The following HDGFL3 variants were observed in gnomAD, a reference collection of about 807,000 sequenced individuals.
HDGFL3 encodes HDGF like 3.
Under a neutral mutation model 27.6 loss-of-function variants are expected in HDGFL3, and 6 were observed. The ratio of observed to expected loss-of-function variants is 0.22; its 90% confidence interval spans 0.12 to 0.43. The LOEUF is 0.43. HDGFL3 is among the 20% of genes least tolerant of loss of function. HDGFL3 has a pLI of 1.00. For missense variants in HDGFL3, 207 were observed against 250.1 expected, an observed-to-expected ratio of 0.83 and a Z score of 1.16; for synonymous variants, 88 against 88.9, an observed-to-expected ratio of 0.99 and a Z score of 0.05.
chr15:83,165,794 C>CAAAAAAAAAAAA (rs57873221), intron 1 of HDGFL3, among the ~76,000 whole-genome samples: 1 of 13,848 alleles, frequency 7.2e-5, no homozygotes, highest in African/African-American at 1.8e-4. Context: ...GAATCCATCT[C>CAAAAAAAAAAAA]AAAAAAAAAA....
intron 1 of HDGFL3, among the ~76,000 whole-genome samples, chr15:83,200,500 C>T (rs1446652563): frequency 1.3e-5 from 2 of 152,218 alleles, no homozygotes; most frequent in African/African-American, 4.8e-5. Context: ...GAAGCATTTA[C>T]TGAGACTTTA....
At chr15:83,185,046 C>T (rs1263577482) in intron 1 of HDGFL3, 7 of 152,090 alleles carry the variant, frequency 4.6e-5, no homozygotes, top group South Asian at 2.1e-4. Context: ...TTTTTTGAGA[C>T]GGAGTCTCAC....
In HDGFL3 at chr15:83,130,377, G is replaced by A. The variant is rs1437381326; in HGVS notation, c.*8893C>T. On this transcript the variant is annotated 3_prime_UTR_variant, in exon 6 of 6. Coordinates refer to ENST00000299633, the MANE Select transcript of HDGFL3 (RefSeq NM_016073.4). ...TGAGAAGGGCAGTGTGGACTACAGA[G>A]CAGCTGGCAGCCGCAGGGGCATTAC... 6.6e-6 allele frequency: 1 copy of A among 152,378 alleles called. No individual in the cohort carries two copies. The highest frequency in any genetic ancestry group is 1.5e-5 in the Non-Finnish European group (1 of 68,164). The allele number at this position is 152,378 out of a possible 1,614,324, so 9.4% of individuals were successfully genotyped here.
rs540630900 is a variant in HDGFL3 at position 83,194,775 on chromosome 15, CACTT to C, written c.84+12552_84+12555del. ...AATGAATTTTAGTGCAGCTCCCTTC[CACTT>C]ACTTGCTCTGTAACTGAGCAAGTCA... On this transcript the variant is annotated intron_variant, in intron 1 of 5. Transcript: ENST00000299633. Among the ~76,000 whole-genome samples, 37 of 152,222 alleles carry C rather than the reference CACTT, an allele frequency of 2.4e-4. No individual in the cohort carries two copies. In the East Asian group the frequency reaches 6.4e-3, roughly 26 times the overall value.
In HDGFL3 at chr15:83,128,236, T is replaced by A. The variant is rs575771067; in HGVS notation, c.*11034A>T. 1.1e-4 allele frequency: 16 copies of A among 152,362 alleles called. No individual in the cohort carries two copies. The highest frequency in any genetic ancestry group is 3.8e-4 in the African/African-American group (16 of 41,586). 9.4% of individuals were successfully genotyped at this position (152,362 alleles called of 1,614,324 possible). On this transcript the variant is annotated 3_prime_UTR_variant, in exon 6 of 6. Transcript: ENST00000299633. ...CTGTAGGCTTGTACAGTCAATTATA[T>A]GCATGGTATAATAATCATGATCGTA... is the stretch of plus-strand genomic sequence containing the variant.
rs371442568 is a variant in HDGFL3 at position 83,136,440 on chromosome 15, C to G, written c.*2830G>C. ...AACTCATCATGCATCCAACTGAACACGTTTCATGCTTACTCAATTTTTTTT... is the reference window on the plus strand; with the variant it reads ...AACTCATCATGCATCCAACTGAACAGGTTTCATGCTTACTCAATTTTTTTT... On this transcript the variant is annotated 3_prime_UTR_variant, in exon 6 of 6. Coordinates refer to ENST00000299633, the MANE Select transcript of HDGFL3 (RefSeq NM_016073.4). The G allele has an allele frequency of 3.9e-6, 6 of 1,526,074 alleles. No individual in the cohort carries two copies. The African/African-American group carries it at 5.6e-5, about 14-fold the overall frequency. 94.5% of individuals were successfully genotyped at this position (1,526,074 alleles called of 1,614,324 possible).
chr15:83,146,232 G>A (rs1386494950), intron 5 of HDGFL3, among the ~76,000 whole-genome samples: 5 of 151,978 alleles, frequency 3.3e-5, no homozygotes, highest in Non-Finnish European at 7.4e-5. Flanking sequence ...TGTAAATACT[G>A]TCTTAAGCCA....
chr15:83,179,402 A>G (rs1188069692), intron 1 of HDGFL3, among the ~76,000 whole-genome samples: 2 of 152,246 alleles, frequency 1.3e-5, no homozygotes, highest in Non-Finnish European at 2.9e-5. Flanking sequence ...AGGTACCAAC[A>G]TGACGATAAT....
At chr15:83,149,025 C>G (rs549535141) in intron 5 of HDGFL3, among the ~76,000 whole-genome samples, 1 of 152,064 alleles carries the variant, frequency 6.6e-6, no homozygotes, top group East Asian at 1.9e-4. Flanking sequence ...CACTTTATAG[C>G]TTTATAACCT....
At position 83,130,483 on chromosome 15, in the gene HDGFL3, G is replaced by C. The variant is rs1319259972; in HGVS notation, c.*8787C>G. The C allele has an allele frequency of 6.6e-6, 1 of 152,244 alleles. No individual in the cohort carries two copies. The highest frequency in any genetic ancestry group is 1.5e-5 in the Non-Finnish European group (1 of 68,094). 9.4% of individuals were successfully genotyped at this position (152,244 alleles called of 1,614,324 possible). A position where few individuals can be genotyped will look rare whatever the true frequency, so the allele number is the denominator to read the frequency against. On this transcript the variant is annotated 3_prime_UTR_variant, in exon 6 of 6. Coordinates refer to ENST00000299633, the MANE Select transcript of HDGFL3 (RefSeq NM_016073.4). Reference sequence around the variant, plus strand: ...TAAGGCAGCCTGAAGCCCCTCTCTTGATGGTGAATGCCCAGATCCAGAGCC... The same window carrying C: ...TAAGGCAGCCTGAAGCCCCTCTCTTCATGGTGAATGCCCAGATCCAGAGCC...
intron 1 of HDGFL3, among the ~76,000 whole-genome samples, chr15:83,193,099 T>C (rs865967535): frequency 2.0e-5 from 3 of 152,168 alleles, no homozygotes; most frequent in South Asian, 2.1e-4. Flanking sequence ...GTTCTCTGCT[T>C]ATTTGAATAA....
rs112602888 is a variant in HDGFL3, at chr15:83,154,154, G to GA, written c.460-2794dup. The stretch of plus-strand genomic sequence containing the variant: ...ACATGATAAAATCCGGTCTCTACTG[G>GA]AAAAAAAAAAAAAGCAAAAATAAAA... On this transcript the variant is annotated intron_variant, in intron 4 of 5. Transcript: ENST00000299633. Among the ~76,000 whole-genome samples, 249 of 136,624 alleles carry GA rather than the reference G, an allele frequency of 1.8e-3. 1 individual carries two copies. Among genetic ancestry groups the GA allele is most frequent in the African/African-American group, 3.7e-3 (138 of 37,272 alleles). The allele number at this position is 136,624 out of a possible 152,430, so 89.6% of individuals were successfully genotyped here.
At chr15:83,176,929 C>A (rs1455666494) in intron 1 of HDGFL3, among the ~76,000 whole-genome samples, 3 of 64,248 alleles carry the variant, frequency 4.7e-5, no homozygotes, top group Admixed American at 4.1e-4. Context: ...AATGTGGTAT[C>A]CTAAAAACCC....
Position 83,207,277 on chromosome 15 carries a change from T to A in HDGFL3, c.84+54A>T. ...ATGGGGAAAGGGGGCGGGCGCGCCA[T>A]CATGAAGGGGAAAATGGTGGGCGGG... On this transcript the variant is annotated intron_variant, in intron 1 of 5. Coordinates refer to ENST00000299633, the MANE Select transcript of HDGFL3 (RefSeq NM_016073.4). The surrounding 1 kb of genome is among the most constrained non-coding windows in gnomAD (Gnocchi z 4.8). The A allele has an allele frequency of 8.3e-7, 1 of 1,207,780 alleles. No individual in the cohort carries two copies. The highest frequency in any genetic ancestry group is 1.1e-6 in the Non-Finnish European group (1 of 932,902). The allele number at this position is 1,207,780 out of a possible 1,614,324, so 74.8% of individuals were successfully genotyped here.
chr15:83,187,298 T>C (rs1164039624), intron 1 of HDGFL3, among the ~76,000 whole-genome samples: 2 of 152,122 alleles, frequency 1.3e-5, no homozygotes, highest in South Asian at 2.1e-4. Context: ...CATGTTCATA[T>C]ACATAATCAT....
intron 1 of HDGFL3, among the ~76,000 whole-genome samples, chr15:83,200,856 C>CTTTTTTTTTTTTTTTTTTTTTTTTTTTT (rs200038603): frequency 8.3e-6 from 1 of 120,176 alleles, no homozygotes; most frequent in Non-Finnish European, 1.8e-5. Context: ...TTACTTTATT[C>CTTTTTTTTTTTTTTTTTTTTTTTTTTTT]TTTTTTTTTT....
intron 1 of HDGFL3, among the ~76,000 whole-genome samples, chr15:83,199,261 A>C (rs1298106905): frequency 4.6e-5 from 7 of 152,016 alleles, no homozygotes; most frequent in Admixed American, 4.6e-4. Flanking sequence ...TTATACTACT[A>C]CTCCCTCTGA....
At chr15:83,149,745 T>A (rs939614758) in intron 5 of HDGFL3, among the ~76,000 whole-genome samples, 1 of 151,852 alleles carries the variant, frequency 6.6e-6, no homozygotes, top group Non-Finnish European at 1.5e-5. Flanking sequence ...TTTTACGAAG[T>A]TAGAGATGAA....
At chr15:83,142,499 G>A (rs1312453705) in intron 5 of HDGFL3, among the ~76,000 whole-genome samples, 1 of 152,094 alleles carries the variant, frequency 6.6e-6, no homozygotes, top group Non-Finnish European at 1.5e-5. Flanking sequence ...ACAAAGAGGG[G>A]AACAATGGAC....
Sources: gnomAD v4.1 joint callset for allele counts (sites outside exome capture counted in the v4.1 genomes callset) on GRCh38, gnomAD v4.1.1 for gene constraint, Gnocchi (gnomAD v3.1) non-coding constraint, MANE v1.5 for transcripts, NCBI Gene and HGNC (gene_info 2026-07-23, HGNC 2026-07-21) for gene names.